The following CNPY1 variants were observed in gnomAD, a reference collection of about 807,000 sequenced individuals.
CNPY1 encodes canopy FGF signaling regulator 1.
In CNPY1, 14 loss-of-function variants were observed where a neutral mutation model predicts 14.4. The observed-to-expected ratio is 0.97, with a 90% CI of 0.64 to 1.52. CNPY1 has a LOEUF of 1.52. Ranked by LOEUF, CNPY1 falls within the 40% of genes most tolerant of loss-of-function variation. The probability of loss-of-function intolerance (pLI) is 0.00; values close to 1 mark genes in which losing one functional copy is unlikely to be tolerated. For missense variants in CNPY1, 129 were observed against 131.5 expected (o/e 0.98, Z 0.09); for synonymous variants, 43 against 46.5 (o/e 0.92, Z 0.31).
At chr7:155,537,419 CTTTTCT>C (rs1199535157) in intron 2 of CNPY1, among the ~76,000 whole-genome samples, 12 of 148,406 alleles carry the variant, frequency 8.1e-5, no homozygotes, top group African/African-American at 2.2e-4. Context: ...AATTTTTTTT[CTTTTCT>C]TTTTTTTTTT....
rs371736239 is a variant in CNPY1 at position 155,543,643 on chromosome 7, A to C, written c.99+2188T>G. Among the ~76,000 whole-genome samples the C allele has an allele frequency of 1.4e-4, 22 of 152,242 alleles. No homozygotes were observed. In the East Asian group the frequency reaches 3.9e-3, roughly 27 times the overall value. ...TGCTGTGAGTTAGCCAGAAGCAGGA[A>C]CTGCTGAGCCACACACCCACCGCCA... On this transcript the variant is annotated intron_variant, in intron 2 of 4. Transcript: ENST00000636446.
intron 2 of CNPY1, among the ~76,000 whole-genome samples, chr7:155,529,350 C>A (rs10242146): frequency 0.063 from 9,533 of 152,200 alleles, 1,000 homozygotes; most frequent in African/African-American, 0.22. Context: ...GCTTCAGATG[C>A]CTCTGGCCTG....
chr7:155,545,340 G>T (rs1797145821), intron 2 of CNPY1, among the ~76,000 whole-genome samples: 1 of 152,172 alleles, frequency 6.6e-6, no homozygotes, highest in Non-Finnish European at 1.5e-5. Context: ...GATCCTCAGG[G>T]GGAGCCCCTC....
chr7:155,525,165 C>G (rs1308139093), intron 2 of CNPY1, among the ~76,000 whole-genome samples: 1 of 152,086 alleles, frequency 6.6e-6, no homozygotes, highest in Non-Finnish European at 1.5e-5. Flanking sequence ...GATAGTATAG[C>G]ATTTCATCTT....
At position 155,518,190 on chromosome 7, in the gene CNPY1, G is replaced by A. The variant is rs73496031; in HGVS notation, c.100-9093C>T. ...TGCTCAAAGGGTGGTCCTTGGGCCA[G>A]CAGCATGGCTTCCGTGGGAGCTCAT... is the stretch of plus-strand genomic sequence containing the variant. On this transcript the variant is annotated intron_variant, in intron 2 of 4. Coordinates refer to ENST00000636446, the MANE Select transcript of CNPY1 (RefSeq NM_001393663.1). Among the ~76,000 whole-genome samples, 456 of 152,368 alleles carry A rather than the reference G, an allele frequency of 3.0e-3. 2 individuals carry two copies. Among genetic ancestry groups the A allele is most frequent in the African/African-American group, 0.01 (436 of 41,588 alleles).
intron 2 of CNPY1, among the ~76,000 whole-genome samples, chr7:155,530,296 C>CTTTTTTTT (rs11386824): frequency 6.2e-5 from 6 of 96,948 alleles, no homozygotes; most frequent in African/African-American, 8.1e-5. Context: ...CCAGCAGGGT[C>CTTTTTTTT]TTTTTTTTTT....
chr7:155,516,772 G>T (rs1468618652), intron 2 of CNPY1, among the ~76,000 whole-genome samples: 1 of 152,144 alleles, frequency 6.6e-6, no homozygotes, highest in Admixed American at 6.5e-5. Context: ...CTGGGCCCAG[G>T]GTGACACTCG....
chr7:155,540,432 T>C (rs1285195846), intron 2 of CNPY1, among the ~76,000 whole-genome samples: 3 of 152,238 alleles, frequency 2.0e-5, no homozygotes, highest in Non-Finnish European at 4.4e-5. Context: ...TAAAGCTTTC[T>C]GGGCCTCATC....
chr7:155,523,794 T>C (rs147104676), intron 2 of CNPY1, among the ~76,000 whole-genome samples: 125 of 152,308 alleles, frequency 8.2e-4, no homozygotes, highest in Non-Finnish European at 1.6e-3. Context: ...AAAGGGTCTT[T>C]GCAGATACAC....
intron 4 of CNPY1, among the ~76,000 whole-genome samples, chr7:155,506,106 C>G (rs1033099366): frequency 6.6e-6 from 1 of 152,170 alleles, no homozygotes; most frequent in South Asian, 2.1e-4. Context: ...ATTTTAAGGA[C>G]TTTGGCACTA....
At chr7:155,532,419 A>G (rs545990808) in intron 2 of CNPY1, among the ~76,000 whole-genome samples, 16 of 152,082 alleles carry the variant, frequency 1.1e-4, no homozygotes, top group African/African-American at 2.7e-4. Context: ...TCAGGAGATC[A>G]AGACCATCTC....
At position 155,508,851 on chromosome 7, in the gene CNPY1, C is replaced by A. The variant is rs747076469; in HGVS notation, c.303+43G>T. On this transcript the variant is annotated intron_variant, in intron 3 of 4. Transcript: ENST00000636446. ...ACAACAAAAAAGAGTTCCAAAAACA[C>A]GTTTCTGGATCATACGATTCATCTG... 4 of 1,593,892 alleles carry A rather than the reference C, an allele frequency of 2.5e-6. No individual in the cohort carries two copies. The African/African-American group carries it at 5.4e-5, about 22-fold the overall frequency.
intron 2 of CNPY1, among the ~76,000 whole-genome samples, chr7:155,527,434 CTTTTT>C (rs11364914): frequency 1.6e-4 from 9 of 56,894 alleles, no homozygotes; most frequent in African/African-American, 6.6e-4. Context: ...TAATTAATTT[CTTTTT>C]TTTTTTTTTT....
chr7:155,533,200 C>T (rs1265196753), intron 2 of CNPY1, among the ~76,000 whole-genome samples: 6 of 152,336 alleles, frequency 3.9e-5, no homozygotes, highest in South Asian at 2.1e-4. Context: ...CGGCCTCGCT[C>T]ACCCTCAAAA....
intron 2 of CNPY1, among the ~76,000 whole-genome samples, chr7:155,538,446 C>A (rs1797047520): frequency 6.6e-6 from 1 of 152,254 alleles, no homozygotes; most frequent in South Asian, 2.1e-4. Context: ...TGACCCTGAA[C>A]TGTGGCAGAT....
intron 2 of CNPY1, among the ~76,000 whole-genome samples, chr7:155,513,931 A>G (rs1021380266): frequency 3.9e-5 from 6 of 152,250 alleles, no homozygotes; most frequent in Non-Finnish European, 7.3e-5. Context: ...TTTAGGTAGA[A>G]TGAAAAGAAA....
intron 2 of CNPY1, among the ~76,000 whole-genome samples, chr7:155,524,028 C>A (rs1228726203): frequency 6.6e-6 from 1 of 152,194 alleles, no homozygotes; most frequent in Non-Finnish European, 1.5e-5. Flanking sequence ...CTCTGAGCCC[C>A]CAAGAAAAAT....
intron 2 of CNPY1, among the ~76,000 whole-genome samples, chr7:155,530,986 C>CATTCTCCTGGGACGAAGGCTGTCT (rs1796928292): frequency 6.6e-6 from 1 of 152,260 alleles, no homozygotes; most frequent in African/African-American, 2.4e-5. Flanking sequence ...TGGGCTCAGT[C>CATTCTCCTGGGACGAAGGCTGTCT]ATTCTCCTGG....
Position 155,507,014 on chromosome 7 carries a change from C to T in CNPY1, c.400+6G>A, listed in dbSNP as rs1394361053. On this transcript the variant is annotated splice_donor_region_variant and intron_variant, in intron 4 of 4. Coordinates refer to ENST00000636446, the MANE Select transcript of CNPY1 (RefSeq NM_001393663.1). The stretch of plus-strand genomic sequence containing the variant: ...CAGCGAGCACATGTTACATCAGACA[C>T]AGTACCTGATTTTTCACTGCACAGC... 1 of 1,585,284 alleles carries T rather than the reference C, an allele frequency of 6.3e-7. No homozygotes were observed. The highest frequency in any genetic ancestry group is 1.7e-5 in the Admixed American group (1 of 59,832).
Sources: allele counts gnomAD v4.1 joint callset (sites outside exome capture counted in the v4.1 genomes callset), GRCh38; gene constraint gnomAD v4.1.1; transcripts MANE v1.5; gene names NCBI Gene and HGNC (gene_info 2026-07-23, HGNC 2026-07-21).